SCN4A: variants seen among roughly 807,000 people sequenced by gnomAD.
SCN4A encodes the protein sodium voltage-gated channel alpha subunit 4.
SCN4A carries 83 observed loss-of-function variants against 162.0 expected under a neutral mutation model. The ratio of observed to expected loss-of-function variants is 0.51; its 90% CI spans 0.43 to 0.61. The LOEUF (loss-of-function observed/expected upper bound fraction) is 0.61. Ranked by LOEUF, SCN4A falls within the 20% of genes least tolerant of loss-of-function variation. The probability of loss-of-function intolerance (pLI) is 0.00; values close to 1 mark genes in which losing one functional copy is unlikely to be tolerated. For missense variants in SCN4A, 2,196 were observed against 2,462.5 expected, an observed-to-expected ratio of 0.89 and a Z score of 2.29; for synonymous variants, 944 against 985.1, an observed-to-expected ratio of 0.96 and a Z score of 0.78.
Position 63,957,279 on chromosome 17 carries a change from G to A in SCN4A, c.2259C>T (p.Ile753=), listed in dbSNP as rs1050679031. ...HMHDFFHSFL[I]VFRILCGEWI... ...ACTCCCCGCACAGGATGCGGAAGACGATGAGGAAGGAGTGGAAGAAATCAT... is the reference window on the plus strand; with the variant it reads ...ACTCCCCGCACAGGATGCGGAAGACAATGAGGAAGGAGTGGAAGAAATCAT... Residue 753 remains isoleucine, a synonymous_variant, in exon 13 of 24, where the codon ATC becomes ATT. Coordinates refer to ENST00000435607, the MANE Select transcript of SCN4A (RefSeq NM_000334.4). 14 of 1,613,998 alleles carry A rather than the reference G, an allele frequency of 8.7e-6. No homozygotes were observed. Among genetic ancestry groups the A allele is most frequent in the African/African-American group, 2.7e-5 (2 of 74,928 alleles).
At chr17:63,948,497 G>A in intron 16 of SCN4A, 114 bp downstream of exon 16, 1 of 880,428 alleles carries the variant, frequency 1.1e-6, no homozygotes, top group Non-Finnish European at 1.7e-6. Flanking sequence ...GGATTCTCAG[G>A]GTTTGGGACT....
Position 63,948,158 on chromosome 17 carries a change from G to T in SCN4A, c.3145-95C>A, listed in dbSNP as rs1248980708. ...TGCTCTATGCTGCTGGTTCCCGGGG[G>T]TCTGCCGTGGGGGCCCAGCCCAAGG... On this transcript the variant is annotated intron_variant, in intron 16 of 23. Transcript: ENST00000435607. 7 of 1,025,236 alleles carry T rather than the reference G, an allele frequency of 6.8e-6. No individual in the cohort carries two copies. The African/African-American group carries it at 8.2e-5, about 12-fold the overall frequency. The allele number at this position is 1,025,236 out of a possible 1,614,324, so 63.5% of individuals were successfully genotyped here.
chr17:63,951,848 A>G lies in SCN4A; in HGVS notation c.2429T>C (p.Leu810Pro). 1 of 1,565,768 alleles carries G rather than the reference A, an allele frequency of 6.4e-7. No homozygotes were observed. Among genetic ancestry groups the G allele is most frequent in the Admixed American group, 1.8e-5 (1 of 54,288 alleles). ...CTCGCCATCCTCATCCGAGGCTGCC[A>G]GACTGTCGGCGCTGAAGGAGCTCAG... ...LLLSSFSADS[L>P]AASDEDGEMN... is the part of the protein sequence containing the mutation. The change falls in exon 14 of 24, where the codon CTG becomes CCG. Residue 810 changes from leucine (L) to proline (P), a missense_variant. By Grantham distance (98) the Leu-to-Pro change is moderately conservative (BLOSUM62 -3). Transcript: ENST00000435607. The surrounding 1 kb of genome is among the most constrained non-coding windows in gnomAD (Gnocchi z 4.5).
chr17:63,968,434 G>A (rs1239629388), intron 5 of SCN4A, 79 bp from the exon 6 acceptor site: 1 of 1,190,452 alleles, frequency 8.4e-7, no homozygotes, highest in East Asian at 2.4e-5. Flanking sequence ...CCACCGCCAA[G>A]CTTTTTCCTA....
Position 63,940,752 on chromosome 17 carries a change from G to T in SCN4A, c.*19C>A. On this transcript the variant is annotated 3_prime_UTR_variant, in exon 24 of 24. Coordinates refer to ENST00000435607, the MANE Select transcript of SCN4A (RefSeq NM_000334.4). ...TGGGGACTATGCCGAGACTCAGTGG[G>T]CCACCCCGATGCTGCCTGCTAGACA... 6.5e-7 allele frequency: 1 copy of T among 1,538,692 alleles called. No individual in the cohort carries two copies. Among genetic ancestry groups the T allele is most frequent in the Non-Finnish European group, 8.8e-7 (1 of 1,141,916 alleles).
intron 15 of SCN4A, 31 bp from the exon 16 acceptor site, chr17:63,948,796 A>T: frequency 6.4e-7 from 1 of 1,570,314 alleles, no homozygotes; most frequent in South Asian, 1.2e-5. Context: ...AGGGACAGGC[A>T]CCACATCATG....
chr17:63,947,196 C>T (rs751470518), intron 17 of SCN4A, 29 bp from the exon 18 acceptor site: 30 of 1,611,608 alleles, frequency 1.9e-5, no homozygotes, highest in Middle Eastern at 3.6e-4. Context: ...GGGATCAGTG[C>T]GTGCAAGGCC....
chr17:63,945,684 G>A lies in SCN4A; in HGVS notation c.3442-46C>T. ...TGCCAGTGCCTCTCCCAGCCTCTGA[G>A]AGAGGGCTCCACATCTCTACGCCAC... On this transcript the variant is annotated intron_variant, in intron 18 of 23. Transcript: ENST00000435607. This position sits in a 1 kb window ranked among gnomAD's most constrained non-coding sequence, Gnocchi z 4.4. 4 of 1,606,744 alleles carry A rather than the reference G, an allele frequency of 2.5e-6. No homozygotes were observed. The highest frequency in any genetic ancestry group is 2.7e-5 in the African/African-American group (2 of 74,824).
rs760067411 is a variant in SCN4A at position 63,961,328 on chromosome 17, G to A, written c.1710C>T (p.Ile570=). ...CCAPWLKFKN[I]IHLIVMDPFV... ...ACGGGTCCATGACGATCAGGTGGAT[G>A]ATGTTCTTGAACTTCAGCCACGGGG... is the stretch of plus-strand genomic sequence containing the variant. The change falls in exon 11 of 24, where the codon ATC becomes ATT. Residue 570 remains isoleucine, a synonymous_variant. Transcript: ENST00000435607. 4.0e-5 allele frequency: 65 copies of A among 1,613,794 alleles called. No homozygotes were observed. The highest frequency in any genetic ancestry group is 5.3e-5 in the Non-Finnish European group (62 of 1,179,848).
Position 63,940,037 on chromosome 17 carries a change from C to T in SCN4A, c.*734G>A, listed in dbSNP as rs757814829. ...AGGACAATTCATTCCCAAGTGGCAT[C>T]CTTCCTTCTGCTCTTCCCCTAGGAG... On this transcript the variant is annotated 3_prime_UTR_variant, in exon 24 of 24. Coordinates refer to ENST00000435607, the MANE Select transcript of SCN4A (RefSeq NM_000334.4). The T allele has an allele frequency of 6.6e-6, 1 of 152,280 alleles. No individual in the cohort carries two copies. Among genetic ancestry groups the T allele is most frequent in the Non-Finnish European group, 1.5e-5 (1 of 68,084 alleles). 9.4% of individuals were successfully genotyped at this position (152,280 alleles called of 1,614,324 possible). A position where few individuals can be genotyped will look rare whatever the true frequency, so the allele number is the denominator to read the frequency against.
rs975077127 is a variant in SCN4A, at chr17:63,966,006, G to A, written c.1242+96C>T. ...AGGAGATGGCCCAGTTCGGGGGTTG[G>A]CCATCCTGTGGTAGGCCCCATCAGG... On this transcript the variant is annotated intron_variant, in intron 8 of 23. Coordinates refer to ENST00000435607, the MANE Select transcript of SCN4A (RefSeq NM_000334.4). The A allele has an allele frequency of 7.6e-6, 7 of 915,240 alleles. No individual in the cohort carries two copies. The African/African-American group carries it at 8.2e-5, about 11-fold the overall frequency. The allele number at this position is 915,240 out of a possible 1,614,324, so 56.7% of individuals were successfully genotyped here. A position where few individuals can be genotyped will look rare whatever the true frequency, so the allele number is the denominator to read the frequency against.
In SCN4A at chr17:63,940,786, C is replaced by A. The variant is rs1167863588; in HGVS notation, c.5496G>T (p.Lys1832Asn). ...ATGCTGCCTGCTAGACAAGAGACTCCTTGACACCTGGGCGCACAGTCTGCC... is the reference window on the plus strand; with the variant it reads ...ATGCTGCCTGCTAGACAAGAGACTCATTGACACCTGGGCGCACAGTCTGCC... ...PPGQTVRPGV[K>N]ESLV Residue 1832 changes from lysine (K) to asparagine (N), a missense_variant, in exon 24 of 24, where the codon AAG (lysine) becomes AAT (asparagine). By Grantham distance (94) the Lys-to-Asn change is moderately conservative (BLOSUM62 0). Coordinates refer to ENST00000435607, the MANE Select transcript of SCN4A (RefSeq NM_000334.4). 1.3e-6 allele frequency: 2 copies of A among 1,578,180 alleles called. No homozygotes were observed. The highest frequency in any genetic ancestry group is 4.5e-5 in the East Asian group (2 of 44,410).
intron 18 of SCN4A, 43 bp downstream of exon 18, chr17:63,947,002 T>TCCCCCCAACCCCCCCCCC: frequency 3.4e-6 from 5 of 1,449,434 alleles, no homozygotes; most frequent in Non-Finnish European, 4.8e-6. Context: ...AGGTGGCCGG[T>TCCCCCCAACCCCCCCCCC]CCCCCATCCC....
intron 16 of SCN4A, 27 bp from the exon 17 acceptor site, chr17:63,948,090 G>T: frequency 6.3e-7 from 1 of 1,575,412 alleles, no homozygotes; most frequent in Non-Finnish European, 8.7e-7. Flanking sequence ...CACCAGGGTG[G>T]CTGGGGTCCA....
At chr17:63,946,614 G>T (rs1013627108) in intron 18 of SCN4A, among the ~76,000 whole-genome samples, 4 of 152,146 alleles carry the variant, frequency 2.6e-5, no homozygotes, top group Non-Finnish European at 5.9e-5. Flanking sequence ...GGAAGGCTCA[G>T]AGCCAGGGTG....
chr17:63,942,479 T>C (rs555490442), intron 23 of SCN4A, among the ~76,000 whole-genome samples: 1 of 152,328 alleles, frequency 6.6e-6, no homozygotes, highest in South Asian at 2.1e-4. Context: ...GCACAGTTGA[T>C]AATAAATGGC....
At chr17:63,960,895 G>A (rs1909225734) in intron 11 of SCN4A, among the ~76,000 whole-genome samples, 1 of 146,606 alleles carries the variant, frequency 6.8e-6, no homozygotes, top group Non-Finnish European at 1.5e-5. Context: ...CCTCACCCCT[G>A]CTTCCAGGGC....
At chr17:63,971,378 GGGGCA>G (rs1909605041) in intron 4 of SCN4A, 125 bp from the exon 5 acceptor site, 1 of 678,078 alleles carries the variant, frequency 1.5e-6, no homozygotes, top group Non-Finnish European at 2.6e-6. Context: ...CAGGGTCTGG[GGGGCA>G]GGGCAGACAC....
In SCN4A at chr17:63,968,342, G is replaced by T. The variant is rs568242866; in HGVS notation, c.717C>A (p.Ile239=). ...TITVIPGLKT[I]VGALIQSVKK... ...TCACCGACTGGATCAGGGCCCCCAC[G>T]ATCGTCTTCAGCCCTGACCGCAGAG... Residue 239 remains isoleucine (I), a synonymous_variant, in exon 6 of 24, where the codon ATC becomes ATA. Transcript: ENST00000435607. 1.3e-6 allele frequency: 2 copies of T among 1,598,918 alleles called. No homozygotes were observed. The highest frequency in any genetic ancestry group is 2.7e-5 in the African/African-American group (2 of 74,854).
Sources: gnomAD v4.1 joint callset for allele counts (sites outside exome capture counted in the v4.1 genomes callset) on GRCh38, gnomAD v4.1.1 for gene constraint, Gnocchi (gnomAD v3.1) non-coding constraint, MANE v1.5 for transcripts, NCBI Gene and HGNC (gene_info 2026-07-23, HGNC 2026-07-21) for gene names.